FRAS1: variants seen among roughly 807,000 people sequenced by gnomAD.
FRAS1 encodes the protein extracellular matrix organizing protein FRAS1.
Under a neutral mutation model 435.2 loss-of-function variants are expected in FRAS1, and 290 were observed. The observed-to-expected ratio is 0.67, with a 90% CI of 0.61 to 0.73. The LOEUF is 0.73. Ranked by LOEUF, FRAS1 falls within the 30% of genes least tolerant of loss-of-function variation. FRAS1 has a pLI of 0.00. For missense variants in FRAS1, 4,860 were observed against 5,001.5 expected (o/e 0.97, Z 0.85); for synonymous variants, 1,800 against 1,851.0 (o/e 0.97, Z 0.71).
At chr4:78,293,797 G>C (rs73827948) in intron 14 of FRAS1, among the ~76,000 whole-genome samples, 4,819 of 152,270 alleles carry the variant, frequency 0.032, 261 homozygotes, top group African/African-American at 0.11. Flanking sequence ...AACAGCTGGT[G>C]GTGTTGTGTC....
chr4:78,388,630 T>G (rs536625571), intron 29 of FRAS1, among the ~76,000 whole-genome samples: 30 of 132,462 alleles, frequency 2.3e-4, no homozygotes, highest in Non-Finnish European at 1.4e-4. Flanking sequence ...AAATCTTGTC[T>G]CTACTAAAGT....
chr4:78,082,825 A>G (rs144804799), intron 2 of FRAS1, among the ~76,000 whole-genome samples: 6 of 152,314 alleles, frequency 3.9e-5, no homozygotes, highest in Non-Finnish European at 7.4e-5. Flanking sequence ...CAATTTGTTT[A>G]AAAGCAAAAA....
chr4:78,340,550 G>T (rs1578262407), intron 20 of FRAS1, among the ~76,000 whole-genome samples: 3 of 152,126 alleles, frequency 2.0e-5, no homozygotes, highest in African/African-American at 7.2e-5. Context: ...GCATTGTACT[G>T]GGCTCTGGGG....
rs558233397 is a variant in FRAS1, at chr4:78,510,439, TA to T, written c.9781-827del. Among the ~76,000 whole-genome samples the T allele has an allele frequency of 1.4e-4, 22 of 152,204 alleles. No individual in the cohort carries two copies. The South Asian group carries it at 1.9e-3, about 13-fold the overall frequency. On this transcript the variant is annotated intron_variant, in intron 63 of 73. Coordinates refer to ENST00000512123, the MANE Select transcript of FRAS1 (RefSeq NM_025074.7). Reference sequence around the variant, plus strand: ...AATAAGTAAAGCATTGGCAGCTAATTAAAAAAAAGTTTAATGGAAAAATTTT... The same window carrying T: ...AATAAGTAAAGCATTGGCAGCTAATTAAAAAAAGTTTAATGGAAAAATTTT...
At chr4:78,499,680 T>C (rs1451858185) in intron 60 of FRAS1, 41 bp from the exon 61 acceptor site, 1 of 1,565,782 alleles carries the variant, frequency 6.4e-7, no homozygotes, top group African/African-American at 1.4e-5. Context: ...TCCTTTGTGC[T>C]ATTCTAACTG....
chr4:78,359,295 A>G (rs1005638434), intron 20 of FRAS1, among the ~76,000 whole-genome samples: 2 of 149,862 alleles, frequency 1.3e-5, no homozygotes, highest in Non-Finnish European at 3.0e-5. Flanking sequence ...CTTTTCTGTT[A>G]TAAGTCAGAA....
At chr4:78,212,668 T>A (rs1723567177) in intron 2 of FRAS1, among the ~76,000 whole-genome samples, 1 of 152,234 alleles carries the variant, frequency 6.6e-6, no homozygotes, top group African/African-American at 2.4e-5. Context: ...GTCAAATGTA[T>A]GATGTCAACT....
At chr4:78,456,926 T>C (rs1719219815) in intron 47 of FRAS1, among the ~76,000 whole-genome samples, 1 of 152,166 alleles carries the variant, frequency 6.6e-6, no homozygotes, top group African/African-American at 2.4e-5. Context: ...GAGACAGCTC[T>C]CAACACAACA....
chr4:78,521,520 C>A lies in FRAS1; in HGVS notation c.10541-3C>A. ...AGCATTTTCTCTCTGCTTTCCTGCC[C>A]AGGAATCCAGACAGACAGCGTGCTC... is the stretch of plus-strand genomic sequence containing the variant. On this transcript the variant is annotated splice_polypyrimidine_tract_variant and splice_region_variant and intron_variant, in intron 67 of 73. Coordinates refer to ENST00000512123, the MANE Select transcript of FRAS1 (RefSeq NM_025074.7). 6.2e-7 allele frequency: 1 copy of A among 1,606,238 alleles called. No individual in the cohort carries two copies.
intron 2 of FRAS1, among the ~76,000 whole-genome samples, chr4:78,200,323 T>G (rs1164073040): frequency 1.3e-5 from 2 of 152,186 alleles, no homozygotes; most frequent in Non-Finnish European, 2.9e-5. Flanking sequence ...CCTGTAAGCT[T>G]CTGGGATATA....
rs1409279590 is a variant in FRAS1, at chr4:78,511,273, G to T, written c.9781-1G>T. The T allele has an allele frequency of 1.3e-6, 2 of 1,578,642 alleles. No homozygotes were observed. The highest frequency in any genetic ancestry group is 1.7e-6 in the Non-Finnish European group (2 of 1,158,376). ...TGGAGGTGATTTTTTCTTCCTGTTA[G>T]GTCCTGGACAGCATTTACTTCAGCC... On this transcript the variant is annotated splice_acceptor_variant, in intron 63 of 73. Coordinates refer to ENST00000512123, the MANE Select transcript of FRAS1 (RefSeq NM_025074.7). LOFTEE classifies it high-confidence loss of function.
At chr4:78,346,931 C>T (rs1036882860) in intron 20 of FRAS1, among the ~76,000 whole-genome samples, 1 of 152,064 alleles carries the variant, frequency 6.6e-6, no homozygotes, top group African/African-American at 2.4e-5. Context: ...CTTCCTCTCC[C>T]ATCTTCTTTC....
At chr4:78,130,072 T>G (rs902045027) in intron 2 of FRAS1, among the ~76,000 whole-genome samples, 1 of 152,148 alleles carries the variant, frequency 6.6e-6, no homozygotes, top group Non-Finnish European at 1.5e-5. Context: ...CCCAGGTTGT[T>G]TTCCATGCAG....
chr4:78,183,663 A>G (rs548859528), intron 2 of FRAS1, among the ~76,000 whole-genome samples: 38 of 151,364 alleles, frequency 2.5e-4, no homozygotes, highest in African/African-American at 9.2e-4. Context: ...AGTAGTCCAT[A>G]GTTCTGGGCA....
chr4:78,314,303 G>A (rs988444887), intron 15 of FRAS1, among the ~76,000 whole-genome samples: 2 of 152,076 alleles, frequency 1.3e-5, no homozygotes, highest in African/African-American at 4.8e-5. Context: ...CTGAGCTCAT[G>A]GCACTCCCCC....
In FRAS1 at chr4:78,469,969, C is replaced by G; in HGVS notation, c.7258-9C>G. 6.2e-7 allele frequency: 1 copy of G among 1,602,326 alleles called. No homozygotes were observed. Among genetic ancestry groups the G allele is most frequent in the South Asian group, 1.1e-5 (1 of 90,448 alleles). On this transcript the variant is annotated splice_polypyrimidine_tract_variant and intron_variant, in intron 50 of 73. Coordinates refer to ENST00000512123, the MANE Select transcript of FRAS1 (RefSeq NM_025074.7). The stretch of plus-strand genomic sequence containing the variant: ...AATGATGAGTTTTCTTTTCTGCCCT[C>G]CCCTTCAGATTATGACAGCAGCACC...
chr4:78,355,593 A>G (rs948619845), intron 20 of FRAS1, among the ~76,000 whole-genome samples: 5 of 152,326 alleles, frequency 3.3e-5, no homozygotes, highest in African/African-American at 1.2e-4. Flanking sequence ...TCAGATGCAG[A>G]TGCCTTACTG....
chr4:78,364,586 A>G (rs140339334), intron 22 of FRAS1, among the ~76,000 whole-genome samples: 218 of 152,298 alleles, frequency 1.4e-3, no homozygotes, highest in African/African-American at 4.7e-3. Context: ...ACTTATATAG[A>G]TGTCTTATTT....
At position 78,286,395 on chromosome 4, in the gene FRAS1, C is replaced by T. The variant is rs767425523; in HGVS notation, c.1400-10C>T. On this transcript the variant is annotated splice_polypyrimidine_tract_variant and intron_variant, in intron 13 of 73. Coordinates refer to ENST00000512123, the MANE Select transcript of FRAS1 (RefSeq NM_025074.7). ...TTCCTTTCTCTTTCTTCAACATTAT[C>T]TGGAGTCAGCCTGCCAGCCCCAGTG... 1.2e-6 allele frequency: 2 copies of T among 1,613,234 alleles called. No individual in the cohort carries two copies. The highest frequency in any genetic ancestry group is 8.5e-7 in the Non-Finnish European group (1 of 1,179,854).
Sources: gnomAD v4.1 joint callset for allele counts (sites outside exome capture counted in the v4.1 genomes callset) on GRCh38, gnomAD v4.1.1 for gene constraint, MANE v1.5 for transcripts, NCBI Gene and HGNC (gene_info 2026-07-23, HGNC 2026-07-21) for gene names.